The following MORN3 variants were observed in gnomAD, a reference collection of about 807,000 sequenced individuals.
The protein encoded by MORN3 is MORN repeat-containing protein 3.
MORN3 carries 38 observed loss-of-function variants against 34.7 expected under a neutral mutation model. That is an observed-to-expected ratio of 1.10 (90% CI 0.85 to 1.44). The LOEUF (loss-of-function observed/expected upper bound fraction) is 1.44. Among genes scored for constraint, MORN3 ranks in the 40% most tolerant of loss-of-function variants. MORN3 has a pLI of 0.00. For synonymous variants in MORN3, 109 were observed against 115.3 expected, an observed-to-expected ratio of 0.95 and a Z score of 0.35; for missense variants, 311 against 321.7, an observed-to-expected ratio of 0.97 and a Z score of 0.25.
At position 121,653,056 on chromosome 12, in the gene MORN3, C is replaced by G. The variant is rs568414226; in HGVS notation, c.648+19G>C. ...CTCTGTCTGGGTGTGGCCACAGGGC[C>G]CTGGTGAGGGCTGCCCACCTCAGGA... On this transcript the variant is annotated intron_variant, in intron 4 of 5. Transcript: ENST00000355329. The G allele has an allele frequency of 6.3e-7, 1 of 1,590,164 alleles. No individual in the cohort carries two copies. Among genetic ancestry groups the G allele is most frequent in the Non-Finnish European group, 8.6e-7 (1 of 1,169,108 alleles).
At chr12:121,663,727 G>A (rs1252956335) in intron 1 of MORN3, among the ~76,000 whole-genome samples, 7 of 152,180 alleles carry the variant, frequency 4.6e-5, no homozygotes, top group African/African-American at 1.7e-4. Flanking sequence ...TAGGAAATAC[G>A]ATGTCAATGT....
chr12:121,651,973 C>T (rs1555325144), intron 5 of MORN3, among the ~76,000 whole-genome samples: 1 of 151,996 alleles, frequency 6.6e-6, no homozygotes, highest in Admixed American at 6.6e-5. Context: ...GAGACACAGT[C>T]TCACCCAGAC....
At chr12:121,656,132 C>T (rs1893407113) in intron 2 of MORN3, among the ~76,000 whole-genome samples, 2 of 152,182 alleles carry the variant, frequency 1.3e-5, no homozygotes, top group South Asian at 4.1e-4. Context: ...GTCTACTCCT[C>T]AAAATCCTGA....
At chr12:121,659,124 A>AAC (rs1314155317) in intron 2 of MORN3, 67 bp downstream of exon 2, 22 of 1,525,396 alleles carry the variant, frequency 1.4e-5, no homozygotes, top group South Asian at 1.1e-4. Flanking sequence ...GCTTCCCCTA[A>AAC]ACACACACGC....
rs1407737246 is a variant in MORN3, at chr12:121,651,608, A to G, written c.*43T>C. The G allele has an allele frequency of 6.6e-6, 1 of 152,332 alleles. No individual in the cohort carries two copies. The highest frequency in any genetic ancestry group is 2.4e-5 in the African/African-American group (1 of 41,422). 9.4% of individuals were successfully genotyped at this position (152,332 alleles called of 1,614,324 possible). A position where few individuals can be genotyped will look rare whatever the true frequency, so the allele number is the denominator to read the frequency against. ...CCGCACTGGTCTGAGCGATCGGGTG[A>G]CACAGGCTTGAATTTCTCCTGAAGC... On this transcript the variant is annotated 3_prime_UTR_variant, in exon 6 of 6. Coordinates refer to ENST00000355329, the MANE Select transcript of MORN3 (RefSeq NM_173855.5).
chr12:121,660,539 CG>C (rs1434295007), intron 1 of MORN3, among the ~76,000 whole-genome samples: 2 of 151,320 alleles, frequency 1.3e-5, no homozygotes, highest in East Asian at 3.9e-4. Flanking sequence ...TTAGTAGAGA[CG>C]GGGTTTTACC....
At chr12:121,658,816 A>C (rs1893490280) in intron 2 of MORN3, among the ~76,000 whole-genome samples, 1 of 149,876 alleles carries the variant, frequency 6.7e-6, no homozygotes, top group Non-Finnish European at 1.5e-5. Flanking sequence ...CACTTTTCCT[A>C]CCTCCCTTTT....
chr12:121,663,617 C>T (rs557651432), intron 1 of MORN3, among the ~76,000 whole-genome samples: 1 of 152,206 alleles, frequency 6.6e-6, no homozygotes, highest in East Asian at 1.9e-4. Flanking sequence ...TGAGCAATTA[C>T]GGGACCATTC....
At chr12:121,671,743 G>A (rs563219936), upstream of MORN3, among the ~76,000 whole-genome samples, 2 of 152,026 alleles carry the variant, frequency 1.3e-5, no homozygotes, top group African/African-American at 4.8e-5. Context: ...AGCCGGGCGT[G>A]GTTGACGACG....
chr12:121,663,767 A>AT (rs58118256), intron 1 of MORN3, among the ~76,000 whole-genome samples: 53 of 147,968 alleles, frequency 3.6e-4, no homozygotes, highest in Admixed American at 8.8e-4. Context: ...TTATTTTTTT[A>AT]TTTTTTTTTT....
chr12:121,661,870 TGAAA>T (rs1263239359), intron 1 of MORN3, among the ~76,000 whole-genome samples: 3 of 143,442 alleles, frequency 2.1e-5, no homozygotes, highest in South Asian at 2.2e-4. Flanking sequence ...AGTGAGACTG[TGAAA>T]GAAAGAAAGA....
Position 121,659,190 on chromosome 12 carries a change from C to T in MORN3, c.303+1G>A. The stretch of plus-strand genomic sequence containing the variant: ...ACACCCCGGCTGGCAGGCCTGCTCA[C>T]CGATTTCTTATCACCTTTCCACCAG... On this transcript the variant is annotated splice_donor_variant, in intron 2 of 5. Coordinates refer to ENST00000355329, the MANE Select transcript of MORN3 (RefSeq NM_173855.5). LOFTEE classifies it high-confidence loss of function. 6.2e-7 allele frequency: 1 copy of T among 1,611,640 alleles called. No individual in the cohort carries two copies. Among genetic ancestry groups the T allele is most frequent in the Non-Finnish European group, 8.5e-7 (1 of 1,178,272 alleles).
At chr12:121,654,677 A>T (rs1041349391) in intron 2 of MORN3, among the ~76,000 whole-genome samples, 3 of 151,702 alleles carry the variant, frequency 2.0e-5, no homozygotes, top group African/African-American at 7.3e-5. Flanking sequence ...GGCTCACTGT[A>T]ACCTCCGTCC....
intron 2 of MORN3, among the ~76,000 whole-genome samples, chr12:121,654,903 GTC>G (rs1231555121): frequency 6.6e-6 from 1 of 151,882 alleles, no homozygotes; most frequent in Non-Finnish European, 1.5e-5. Flanking sequence ...CACCGATAAT[GTC>G]TTGAAGGATC....
Position 121,650,147 on chromosome 12 carries a change from A to C in MORN3, c.*1504T>G, listed in dbSNP as rs1468535333. ...TTGCAAGTGAGGAGACCAACAGAAC[A>C]GAGTTTGGGTGACATTCCTGAGAAC... On this transcript the variant is annotated 3_prime_UTR_variant, in exon 6 of 6. Transcript: ENST00000355329. 1.3e-5 allele frequency: 2 copies of C among 152,072 alleles called. No homozygotes were observed. Among genetic ancestry groups the C allele is most frequent in the Non-Finnish European group, 2.9e-5 (2 of 68,016 alleles). The allele number at this position is 152,072 out of a possible 1,614,324, so 9.4% of individuals were successfully genotyped here. A position where few individuals can be genotyped will look rare whatever the true frequency, so the allele number is the denominator to read the frequency against.
intron 2 of MORN3, among the ~76,000 whole-genome samples, chr12:121,658,565 CAA>C (rs62682762): frequency 1.3e-3 from 87 of 68,770 alleles, no homozygotes; most frequent in Non-Finnish European, 1.2e-3. Flanking sequence ...GACTCCCTCT[CAA>C]AAAAAAAAAA....
chr12:121,668,500 C>T (rs1893843655), intron 1 of MORN3, among the ~76,000 whole-genome samples: 1 of 152,152 alleles, frequency 6.6e-6, no homozygotes, highest in Non-Finnish European at 1.5e-5. Context: ...AAGATCGTGC[C>T]ATTGCACTCC....
intron 2 of MORN3, among the ~76,000 whole-genome samples, chr12:121,656,377 G>A (rs181529109): frequency 2.6e-5 from 4 of 152,182 alleles, no homozygotes; most frequent in Non-Finnish European, 4.4e-5. Context: ...AGGCTGGAGT[G>A]TAGTGGCACC....
chr12:121,651,916 G>A (rs1176941348), intron 5 of MORN3, among the ~76,000 whole-genome samples: 5 of 151,834 alleles, frequency 3.3e-5, no homozygotes, highest in African/African-American at 1.2e-4. Flanking sequence ...CTGGTCTTCA[G>A]TGAAATGGTT....
Sources: allele counts gnomAD v4.1 joint callset (sites outside exome capture counted in the v4.1 genomes callset), GRCh38; gene constraint gnomAD v4.1.1; transcripts MANE v1.5; gene names NCBI Gene and HGNC (gene_info 2026-07-23, HGNC 2026-07-21).